Variants in GRIN2A observed in about 807,000 individuals in gnomAD.
The protein encoded by GRIN2A is glutamate ionotropic receptor NMDA type subunit 2A.
A neutral mutation model predicts 113.4 loss-of-function variants in GRIN2A; 22 were observed. The observed-to-expected ratio is 0.19, with a 90% CI of 0.14 to 0.28. The LOEUF (loss-of-function observed/expected upper bound fraction) is 0.28. Among genes scored for constraint, GRIN2A ranks in the 10% least tolerant of loss-of-function variants. The pLI is 1.00. For synonymous variants in GRIN2A, 827 were observed against 738.4 expected (o/e 1.12, Z -1.94); for missense variants, 1,502 against 1,887.0 (o/e 0.80, Z 3.78).
At chr16:9,810,057 G>C (rs924879451) in intron 10 of GRIN2A, among the ~76,000 whole-genome samples, 3 of 152,190 alleles carry the variant, frequency 2.0e-5, no homozygotes, top group African/African-American at 7.2e-5. Context: ...GAATGAGCCA[G>C]ACTCTGTCTC....
At chr16:10,051,026 G>C (rs184342178) in intron 2 of GRIN2A, among the ~76,000 whole-genome samples, 4 of 152,162 alleles carry the variant, frequency 2.6e-5, no homozygotes, top group African/African-American at 9.7e-5. Flanking sequence ...GCTAAGACTC[G>C]AGAGCATGTC....
chr16:9,864,070 C>T (rs1432795672), intron 4 of GRIN2A, among the ~76,000 whole-genome samples: 2 of 152,108 alleles, frequency 1.3e-5, no homozygotes, highest in Non-Finnish European at 2.9e-5. Flanking sequence ...TTTTTAATAC[C>T]TGCATAAAGA....
intron 2 of GRIN2A, among the ~76,000 whole-genome samples, chr16:10,143,020 T>G (rs75586822): frequency 3.3e-5 from 5 of 152,174 alleles, no homozygotes; most frequent in African/African-American, 1.2e-4. Flanking sequence ...ATACTTAGGA[T>G]AGATTACCTT....
At chr16:9,790,402 A>G (rs1902536781) in intron 11 of GRIN2A, among the ~76,000 whole-genome samples, 1 of 152,200 alleles carries the variant, frequency 6.6e-6, no homozygotes, top group East Asian at 1.9e-4. Flanking sequence ...TTCAGTTTCC[A>G]TATTACTGGA....
At chr16:9,947,584 C>T (rs1251567166) in intron 2 of GRIN2A, among the ~76,000 whole-genome samples, 1 of 152,178 alleles carries the variant, frequency 6.6e-6, no homozygotes, top group Admixed American at 6.5e-5. Flanking sequence ...TCCCAGTGTT[C>T]TCAAAGAAAT....
intron 2 of GRIN2A, among the ~76,000 whole-genome samples, chr16:10,175,905 C>T (rs1232204498): frequency 2.0e-5 from 3 of 152,028 alleles, no homozygotes; most frequent in Non-Finnish European, 1.5e-5. Context: ...GTGTATTTCA[C>T]TTAGACAGGG....
intron 4 of GRIN2A, among the ~76,000 whole-genome samples, chr16:9,853,360 A>G (rs998874538): frequency 3.9e-5 from 6 of 152,198 alleles, no homozygotes; most frequent in African/African-American, 1.4e-4. Flanking sequence ...TGATTAGGTC[A>G]TGAAGGTGGA....
intron 5 of GRIN2A, among the ~76,000 whole-genome samples, chr16:9,842,972 G>GAAGAAAGA (rs753343405): frequency 1.1e-5 from 1 of 91,766 alleles, no homozygotes; most frequent in East Asian, 2.3e-4. Context: ...AGAGAGAGAG[G>GAAGAAAGA]AAGAAAGAAA....
chr16:9,845,617 T>C (rs544469922), intron 5 of GRIN2A, among the ~76,000 whole-genome samples: 280 of 152,322 alleles, frequency 1.8e-3, no homozygotes, highest in African/African-American at 5.4e-3. Flanking sequence ...AGCACTGCAC[T>C]GGGTTTCATT....
chr16:10,143,661 G>A (rs1349101583), intron 2 of GRIN2A, among the ~76,000 whole-genome samples: 4 of 152,122 alleles, frequency 2.6e-5, no homozygotes, highest in Non-Finnish European at 5.9e-5. Context: ...AGGGAGGAGG[G>A]AGTATTAAGA....
chr16:9,942,396 G>T (rs932229924), intron 2 of GRIN2A, among the ~76,000 whole-genome samples: 1 of 152,082 alleles, frequency 6.6e-6, no homozygotes, highest in African/African-American at 2.4e-5. Flanking sequence ...CCAGCCCCGT[G>T]GCTTTGAAAA....
At chr16:9,895,307 G>C (rs1204450809) in intron 3 of GRIN2A, among the ~76,000 whole-genome samples, 4 of 152,186 alleles carry the variant, frequency 2.6e-5, no homozygotes, top group Non-Finnish European at 4.4e-5. Context: ...AGCAGCTCTT[G>C]CTCATGCACA....
At chr16:9,924,464 C>G (rs776196550) in intron 3 of GRIN2A, among the ~76,000 whole-genome samples, 11 of 152,174 alleles carry the variant, frequency 7.2e-5, no homozygotes, top group African/African-American at 1.2e-4. Context: ...ACTCTGACAG[C>G]TTTCAACTGT....
rs1484244048 is a variant in GRIN2A, at chr16:10,112,469, T to G, written c.414+67529A>C. ...ACTTTGGTGTGTCCATCATAGCCGA[T>G]GTGGCATCCAGACCGTGGGGCACGT... On this transcript the variant is annotated intron_variant, in intron 2 of 12. Coordinates refer to ENST00000330684, the MANE Select transcript of GRIN2A (RefSeq NM_001134407.3). 4.6e-6 allele frequency: 4 copies of G among 860,894 alleles called. No individual in the cohort carries two copies. In the East Asian group the frequency reaches 9.8e-5, roughly 21 times the overall value. The allele number at this position is 860,894 out of a possible 1,614,324, so 53.3% of individuals were successfully genotyped here.
chr16:9,778,396 G>C (rs1171079373), intron 11 of GRIN2A, among the ~76,000 whole-genome samples: 1 of 152,194 alleles, frequency 6.6e-6, no homozygotes, highest in Non-Finnish European at 1.5e-5. Flanking sequence ...GAGCACAAAT[G>C]AATTCATAGT....
At chr16:10,055,057 AAAAAAAAAAAAAAAAAAAAAAAAAAAAAG>A (rs2047424632) in intron 2 of GRIN2A, among the ~76,000 whole-genome samples, 2 of 73,336 alleles carry the variant, frequency 2.7e-5, no homozygotes, top group African/African-American at 6.3e-5. Flanking sequence ...CAAAAAAAAA[AAAAAAAAAAAAAAAAAAAAAAAAAAAAAG>A]AAAAAAGAAA....
At position 9,762,195 on chromosome 16, in the gene GRIN2A, G is replaced by C. The variant is rs965135176; in HGVS notation, c.*954C>G. On this transcript the variant is annotated 3_prime_UTR_variant, in exon 13 of 13. Transcript: ENST00000330684. Reference sequence around the variant, plus strand: ...CCATGGCTGTTTGGAAACGGAACGAGTTATGGTTACTCTGGGAGGGAAGGG... The same window carrying C: ...CCATGGCTGTTTGGAAACGGAACGACTTATGGTTACTCTGGGAGGGAAGGG... 6 of 220,858 alleles carry C rather than the reference G, an allele frequency of 2.7e-5. No individual in the cohort carries two copies. Among genetic ancestry groups the C allele is most frequent in the Admixed American group, 1.7e-4 (3 of 17,350 alleles). The allele number at this position is 220,858 out of a possible 1,614,324, so 13.7% of individuals were successfully genotyped here.
intron 3 of GRIN2A, among the ~76,000 whole-genome samples, chr16:9,909,954 A>G (rs1445561866): frequency 6.6e-6 from 1 of 152,210 alleles, no homozygotes; most frequent in Non-Finnish European, 1.5e-5. Context: ...ATGTAAACGG[A>G]ATCATACACT....
chr16:9,915,563 G>T (rs1390781411), intron 3 of GRIN2A, among the ~76,000 whole-genome samples: 2 of 152,154 alleles, frequency 1.3e-5, no homozygotes, highest in Non-Finnish European at 2.9e-5. Flanking sequence ...CCTAAAACTT[G>T]TATGTTTTTT....
Sources: allele counts gnomAD v4.1 joint callset (sites outside exome capture counted in the v4.1 genomes callset), GRCh38; gene constraint gnomAD v4.1.1; transcripts MANE v1.5; gene names NCBI Gene and HGNC (gene_info 2026-07-23, HGNC 2026-07-21).